Variants in ADAMTSL1 observed in about 807,000 individuals in gnomAD.
ADAMTSL1 encodes the protein ADAMTS like 1.
In ADAMTSL1, 126 loss-of-function variants were observed where a neutral mutation model predicts 201.8. That is an observed-to-expected ratio of 0.62 (90% CI 0.54 to 0.72). ADAMTSL1 has a LOEUF of 0.72. ADAMTSL1 is among the 30% of genes least tolerant of loss of function. The pLI, the probability that ADAMTSL1 is intolerant of heterozygous loss-of-function variation, is 0.00. For missense variants in ADAMTSL1, 2,679 were observed against 2,277.8 expected (o/e 1.18, Z -3.59); for synonymous variants, 1,121 against 903.4 (o/e 1.24, Z -4.32).
At chr9:18,230,593 C>T (rs2891121) in intron 2 of ADAMTSL1, among the ~76,000 whole-genome samples, 20,770 of 151,996 alleles carry the variant, frequency 0.14, 1,823 homozygotes, top group East Asian at 0.33. Context: ...GAGAGTATAC[C>T]ATGAAATCTG....
At chr9:18,866,931 C>T (rs1827572434) in intron 23 of ADAMTSL1, among the ~76,000 whole-genome samples, 2 of 152,322 alleles carry the variant, frequency 1.3e-5, no homozygotes, top group East Asian at 1.9e-4. Context: ...GCTGTACATA[C>T]ATGTTCTCAA....
At chr9:18,851,612 T>C (rs1826495615) in intron 23 of ADAMTSL1, among the ~76,000 whole-genome samples, 1 of 152,212 alleles carries the variant, frequency 6.6e-6, no homozygotes. Flanking sequence ...AAGTGCTCTG[T>C]TCAGGGTTGG....
At chr9:18,667,449 A>T (rs576656491) in intron 9 of ADAMTSL1, among the ~76,000 whole-genome samples, 20 of 152,228 alleles carry the variant, frequency 1.3e-4, no homozygotes, top group Admixed American at 9.2e-4. Flanking sequence ...GCTTTGGCAT[A>T]AAACGTCCTG....
At chr9:18,836,582 C>T (rs935340235) in intron 23 of ADAMTSL1, among the ~76,000 whole-genome samples, 1 of 152,072 alleles carries the variant, frequency 6.6e-6, no homozygotes, top group Non-Finnish European at 1.5e-5. Context: ...GCTATTCAGG[C>T]TCTTTTTTGG....
intron 26 of ADAMTSL1, among the ~76,000 whole-genome samples, chr9:18,903,319 T>C (rs1830114839): frequency 6.6e-6 from 1 of 152,224 alleles, no homozygotes; most frequent in Non-Finnish European, 1.5e-5. Context: ...ACTTCAGTTA[T>C]ATACACAATA....
chr9:18,667,707 G>A (rs1366973389), intron 9 of ADAMTSL1, among the ~76,000 whole-genome samples: 1 of 152,124 alleles, frequency 6.6e-6, no homozygotes, highest in East Asian at 1.9e-4. Flanking sequence ...TTATGATGAT[G>A]TTGATGTTAG....
chr9:18,637,493 G>C lies in ADAMTSL1; in HGVS notation c.676+1476G>C, dbSNP rs577731336. ...AAGAGGGAAATTTATTTTTATAAAT[G>C]TATTAGTCTCATAGATTTCATAATT... On this transcript the variant is annotated intron_variant, in intron 6 of 28. Coordinates refer to ENST00000380548, the MANE Select transcript of ADAMTSL1 (RefSeq NM_001040272.6). Among the ~76,000 whole-genome samples the C allele has an allele frequency of 2.6e-5, 4 of 152,278 alleles. No individual in the cohort carries two copies. The East Asian group carries it at 7.7e-4, about 29-fold the overall frequency.
intron 1 of ADAMTSL1, among the ~76,000 whole-genome samples, chr9:18,163,535 T>A (rs1431868426): frequency 6.6e-6 from 1 of 151,896 alleles, no homozygotes; most frequent in Non-Finnish European, 1.5e-5. Context: ...TGAGTTCAGA[T>A]CCATGGATAG....
intron 22 of ADAMTSL1, among the ~76,000 whole-genome samples, chr9:18,828,386 C>T (rs1824731846): frequency 6.6e-6 from 1 of 151,852 alleles, no homozygotes; most frequent in Admixed American, 6.6e-5. Context: ...TAAATAAGCA[C>T]AGCTTTCATG....
chr9:18,602,001 T>C (rs1824691921), intron 4 of ADAMTSL1, among the ~76,000 whole-genome samples: 1 of 152,198 alleles, frequency 6.6e-6, no homozygotes, highest in South Asian at 2.1e-4. Context: ...GCAATAGTTT[T>C]GTAAATCTCA....
rs373769572 is a variant in ADAMTSL1 at position 18,782,550 on chromosome 9, G to C, written c.3677+4644G>C. 2.4e-4 allele frequency among the ~76,000 whole-genome samples: 37 copies of C among 152,298 alleles called. No homozygotes were observed. The East Asian group carries it at 3.5e-3, about 14-fold the overall frequency. ...GACTTTCTTTACGGCTGTATGCCCA[G>C]TAACCGGCACCAAACGTACTAAATA... On this transcript the variant is annotated intron_variant, in intron 19 of 28. Transcript: ENST00000380548.
In ADAMTSL1 at chr9:18,657,768, G is replaced by A. The variant is rs1331735073; in HGVS notation, c.946+18G>A. The A allele has an allele frequency of 6.3e-7, 1 of 1,593,386 alleles. No individual in the cohort carries two copies. Among genetic ancestry groups the A allele is most frequent in the African/African-American group, 1.3e-5 (1 of 74,464 alleles). On this transcript the variant is annotated intron_variant, in intron 8 of 28. Transcript: ENST00000380548. Reference sequence around the variant, plus strand: ...TGGAGGAGGTAATGGTGTTCACTTAGTCTAAAAACTGTTGGCTTCTGTGAG... The same window carrying A: ...TGGAGGAGGTAATGGTGTTCACTTAATCTAAAAACTGTTGGCTTCTGTGAG...
chr9:18,124,081 T>TG (rs1360814687), intron 1 of ADAMTSL1, among the ~76,000 whole-genome samples: 15 of 141,550 alleles, frequency 1.1e-4, no homozygotes, highest in Admixed American at 9.3e-4. Context: ...TTGCCAGTTT[T>TG]TTTTTTTTTT....
At chr9:18,491,926 ACAATC>A (rs1391025981) in intron 1 of ADAMTSL1, among the ~76,000 whole-genome samples, 1 of 152,178 alleles carries the variant, frequency 6.6e-6, no homozygotes, top group Non-Finnish European at 1.5e-5. Context: ...CACTTATACT[ACAATC>A]TACTCTGGAC....
chr9:18,053,153 T>A (rs1473548004), intron 1 of ADAMTSL1, among the ~76,000 whole-genome samples: 1 of 152,160 alleles, frequency 6.6e-6, no homozygotes, highest in Non-Finnish European at 1.5e-5. Context: ...GCTTGAGAAC[T>A]TTTTGCCTGA....
At chr9:18,172,290 C>G (rs1827934028) in intron 2 of ADAMTSL1, among the ~76,000 whole-genome samples, 1 of 151,824 alleles carries the variant, frequency 6.6e-6, no homozygotes, top group African/African-American at 2.4e-5. Flanking sequence ...AAAAAGAACT[C>G]CTAGAGATCA....
intron 20 of ADAMTSL1, among the ~76,000 whole-genome samples, chr9:18,801,668 T>A (rs548688986): frequency 1.1e-3 from 174 of 152,290 alleles, no homozygotes; most frequent in African/African-American, 3.9e-3. Flanking sequence ...TGCCTCCAGC[T>A]CCATCCATGT....
At chr9:17,969,449 G>A (rs1230313251) in intron 1 of ADAMTSL1, among the ~76,000 whole-genome samples, 1 of 151,974 alleles carries the variant, frequency 6.6e-6, no homozygotes, top group Non-Finnish European at 1.5e-5. Flanking sequence ...ACATCATTTA[G>A]CCATATTCTA....
intron 15 of ADAMTSL1, among the ~76,000 whole-genome samples, chr9:18,732,294 G>C (rs934948357): frequency 6.6e-6 from 1 of 152,190 alleles, no homozygotes; most frequent in Non-Finnish European, 1.5e-5. Flanking sequence ...CTTCAAGCCA[G>C]CTTTCTGTAC....
Sources: allele counts gnomAD v4.1 joint callset (sites outside exome capture counted in the v4.1 genomes callset), GRCh38; gene constraint gnomAD v4.1.1; transcripts MANE v1.5; gene names NCBI Gene and HGNC (gene_info 2026-07-23, HGNC 2026-07-21).